Variants in ARL2BP observed in about 807,000 individuals in gnomAD.
The protein encoded by ARL2BP is ADP-ribosylation factor-like protein 2-binding protein.
In ARL2BP, 19 loss-of-function variants were observed where a neutral mutation model predicts 24.2. The observed-to-expected ratio is 0.79, with a 90% CI of 0.55 to 1.15. The LOEUF is 1.15. Ranked by LOEUF, ARL2BP falls within the 50% of genes most tolerant of loss-of-function variation. The probability of loss-of-function intolerance (pLI) is 0.00; values close to 1 mark genes in which losing one functional copy is unlikely to be tolerated. For synonymous variants in ARL2BP, 56 were observed against 70.5 expected, an observed-to-expected ratio of 0.79 and a Z score of 1.03; for missense variants, 160 against 190.4, an observed-to-expected ratio of 0.84 and a Z score of 0.94.
chr16:57,246,168 G>A, intron 2 of ARL2BP, 27 bp downstream of exon 2: 1 of 1,596,764 alleles, frequency 6.3e-7, no homozygotes. Context: ...CTGTTTTTAA[G>A]GACTTGCTTG....
intron 2 of ARL2BP, among the ~76,000 whole-genome samples, chr16:57,246,553 A>G (rs1208418780): frequency 2.0e-5 from 3 of 152,238 alleles, no homozygotes; most frequent in Non-Finnish European, 4.4e-5. Flanking sequence ...CTGTAATCCC[A>G]GCACTTTGGG....
intron 2 of ARL2BP, among the ~76,000 whole-genome samples, chr16:57,247,611 T>C (rs2075394307): frequency 1.3e-5 from 2 of 152,214 alleles, no homozygotes. Flanking sequence ...TAAATTCCAC[T>C]TCCAATCCTA....
At position 57,248,242 on chromosome 16, in the gene ARL2BP, G is replaced by T. The variant is rs530221345; in HGVS notation, c.101-295G>T. 7 of 172,400 alleles carry T rather than the reference G, an allele frequency of 4.1e-5. No homozygotes were observed. In the East Asian group the frequency reaches 1.0e-3, roughly 26 times the overall value. 10.7% of individuals were successfully genotyped at this position (172,400 alleles called of 1,614,324 possible). A position where few individuals can be genotyped will look rare whatever the true frequency, so the allele number is the denominator to read the frequency against. On this transcript the variant is annotated intron_variant, in intron 2 of 5. Coordinates refer to ENST00000219204, the MANE Select transcript of ARL2BP (RefSeq NM_012106.4). ...GCAGTAGAATCTTTTGAACCCTGGA[G>T]GTGGAGGTTGCAGTGAACCGAGATC...
At position 57,250,517 on chromosome 16, in the gene ARL2BP, T is replaced by C; in HGVS notation, c.390+10T>C. ...TTTGGACTACAGAGCAGTAAGTTAC[T>C]ACTCCTATTTATTTAGCCACTTTGA... On this transcript the variant is annotated intron_variant, in intron 5 of 5. Transcript: ENST00000219204. 6 of 1,607,494 alleles carry C rather than the reference T, an allele frequency of 3.7e-6. No homozygotes were observed. Among genetic ancestry groups the C allele is most frequent in the African/African-American group, 1.3e-5 (1 of 74,924 alleles).
In ARL2BP at chr16:57,252,296, A is replaced by T; in HGVS notation, c.*29A>T. 1.9e-6 allele frequency: 3 copies of T among 1,614,222 alleles called. No individual in the cohort carries two copies. Among genetic ancestry groups the T allele is most frequent in the Non-Finnish European group, 2.5e-6 (3 of 1,180,040 alleles). On this transcript the variant is annotated 3_prime_UTR_variant, in exon 6 of 6. Coordinates refer to ENST00000219204, the MANE Select transcript of ARL2BP (RefSeq NM_012106.4). The stretch of plus-strand genomic sequence containing the variant: ...CTACCTCCAGCCAATGAATGGGATC[A>T]TTCTGGATGTCACCAGCCCAATAGG...
chr16:57,246,255 A>G (rs1482907266), intron 2 of ARL2BP, 114 bp downstream of exon 2: 1 of 958,752 alleles, frequency 1.0e-6, no homozygotes, highest in Non-Finnish European at 1.6e-6. Context: ...GCAATTTTTA[A>G]TGTAGCACAA....
chr16:57,250,567 A>G, intron 5 of ARL2BP, 60 bp downstream of exon 5: 2 of 1,383,406 alleles, frequency 1.4e-6, no homozygotes, highest in African/African-American at 2.8e-5. Flanking sequence ...TCCAGGTAGA[A>G]ATACCGAACA....
intron 5 of ARL2BP, chr16:57,251,848 C>G: frequency 3.5e-6 from 1 of 287,094 alleles, no homozygotes; most frequent in Non-Finnish European, 6.6e-6. Context: ...ACCTGTAGTC[C>G]TAGCTACTCA....
At chr16:57,249,539 C>G in intron 3 of ARL2BP, 1 of 543,792 alleles carries the variant, frequency 1.8e-6, no homozygotes, top group South Asian at 2.0e-5. Context: ...GTCAGAGCAT[C>G]CACCCTGTTA....
intron 2 of ARL2BP, 29 bp downstream of exon 2, chr16:57,246,170 ACTTG>A (rs2075389914): frequency 6.3e-7 from 1 of 1,595,768 alleles, no homozygotes; most frequent in Non-Finnish European, 8.6e-7. Context: ...GTTTTTAAGG[ACTTG>A]CTTGTTTCTT....
At position 57,252,525 on chromosome 16, in the gene ARL2BP, C is replaced by T. The variant is rs940640635; in HGVS notation, c.*258C>T. On this transcript the variant is annotated 3_prime_UTR_variant, in exon 6 of 6. Transcript: ENST00000219204. ...CTCTCTCAGGAGCTTCTGAGTCAGA[C>T]GCCTCTGGAGCGAGCCCTATGTCAG... 3.2e-5 allele frequency: 18 copies of T among 560,350 alleles called. No individual in the cohort carries two copies. The Middle Eastern group carries it at 1.9e-3, about 59-fold the overall frequency. The allele number at this position is 560,350 out of a possible 1,614,324, so 34.7% of individuals were successfully genotyped here. A position where few individuals can be genotyped will look rare whatever the true frequency, so the allele number is the denominator to read the frequency against.
Position 57,253,148 on chromosome 16 carries a change from G to C in ARL2BP, c.*881G>C, listed in dbSNP as rs745593871. 6.6e-6 allele frequency: 1 copy of C among 152,642 alleles called. No homozygotes were observed. Among genetic ancestry groups the C allele is most frequent in the Non-Finnish European group, 1.5e-5 (1 of 68,038 alleles). 9.5% of individuals were successfully genotyped at this position (152,642 alleles called of 1,614,324 possible). ...ACCTATGAATGTATGCTGTGTGCTA[G>C]AAATAGACTAAAACATATTCCTATA... On this transcript the variant is annotated 3_prime_UTR_variant, in exon 6 of 6. Transcript: ENST00000219204.
chr16:57,248,265 A>T (rs1343157317), intron 2 of ARL2BP: 1 of 187,938 alleles, frequency 5.3e-6, no homozygotes, highest in Non-Finnish European at 1.1e-5. Flanking sequence ...GTGAACCGAG[A>T]TCGCACCATT....
At chr16:57,248,672 G>T in intron 3 of ARL2BP, 29 bp downstream of exon 3, 1 of 1,359,902 alleles carries the variant, frequency 7.4e-7, no homozygotes, top group South Asian at 1.4e-5. Flanking sequence ...CTCCTACCAG[G>T]AGGTCAGAGT....
chr16:57,250,578 T>C (rs1378154684), intron 5 of ARL2BP, 71 bp downstream of exon 5: 12 of 1,225,484 alleles, frequency 9.8e-6, no homozygotes, highest in Non-Finnish European at 1.4e-5. Context: ...ATACCGAACA[T>C]GAACCTCCCA....
chr16:57,248,155 AATAC>A (rs2075395857), intron 2 of ARL2BP: 1 of 152,850 alleles, frequency 6.5e-6, no homozygotes. Flanking sequence ...CTCTACTAAA[AATAC>A]AAAATTAGGC....
At chr16:57,249,611 A>C (rs1479076744) in intron 3 of ARL2BP, 156 bp from the exon 4 acceptor site, 3 of 629,934 alleles carry the variant, frequency 4.8e-6, no homozygotes, top group Non-Finnish European at 8.5e-6. Flanking sequence ...CCAGGACAGG[A>C]GCTGTGTTTT....
chr16:57,245,428 A>G (rs1363588492), intron 1 of ARL2BP, 23 bp downstream of exon 1: 2 of 1,603,012 alleles, frequency 1.2e-6, no homozygotes, highest in Admixed American at 1.7e-5. Context: ...TCCAGGGCGC[A>G]GGCGACTTGG....
chr16:57,245,509 G>A, intron 1 of ARL2BP, 104 bp downstream of exon 1: 2 of 1,476,968 alleles, frequency 1.4e-6, no homozygotes. Context: ...GCCGGGCCGG[G>A]CCGGGCCGGG....
Sources: gnomAD v4.1 joint callset for allele counts (sites outside exome capture counted in the v4.1 genomes callset) on GRCh38, gnomAD v4.1.1 for gene constraint, MANE v1.5 for transcripts, NCBI Gene and HGNC (gene_info 2026-07-23, HGNC 2026-07-21) for gene names.